The following DCUN1D2 variants were observed in gnomAD, a reference collection of about 807,000 sequenced individuals.
DCUN1D2 encodes DCN1-like protein 2.
DCUN1D2 carries 29 observed loss-of-function variants against 30.9 expected under a neutral mutation model. That is an observed-to-expected ratio of 0.94 (90% CI 0.70 to 1.28). The LOEUF is 1.28. DCUN1D2 is among the 50% of genes most tolerant of loss of function. The pLI is 0.00. For synonymous variants in DCUN1D2, 121 were observed against 115.3 expected (o/e 1.05, Z -0.32); for missense variants, 325 against 316.9 (o/e 1.03, Z -0.19).
intron 4 of DCUN1D2, among the ~76,000 whole-genome samples, chr13:113,465,405 T>G (rs1159650374): frequency 6.6e-6 from 1 of 151,992 alleles, no homozygotes; most frequent in Non-Finnish European, 1.5e-5. Flanking sequence ...CACTCAGACC[T>G]GAAATGGCCG....
intron 2 of DCUN1D2, among the ~76,000 whole-genome samples, chr13:113,481,642 G>T (rs1048739352): frequency 6.6e-6 from 1 of 152,210 alleles, no homozygotes; most frequent in African/African-American, 2.4e-5. Context: ...CCAGCACTTT[G>T]GGAGGCCGAG....
In DCUN1D2 at chr13:113,490,374, G is replaced by C. The variant is rs2044930885; in HGVS notation, c.3+293C>G. On this transcript the variant is annotated intron_variant, in intron 1 of 6. Coordinates refer to ENST00000478244, the MANE Select transcript of DCUN1D2 (RefSeq NM_001014283.2). This position sits in a 1 kb window ranked among gnomAD's most constrained non-coding sequence, Gnocchi z 5.2. ...AAGCCCCCGGCCTGGGTTCCCGCTC[G>C]GCCCCGGCCCCTGCCCCAAGGCCCC... The C allele has an allele frequency of 3.4e-6, 1 of 291,298 alleles. No homozygotes were observed. Among genetic ancestry groups the C allele is most frequent in the African/African-American group, 2.2e-5 (1 of 44,594 alleles). The allele number at this position is 291,298 out of a possible 1,614,324, so 18.0% of individuals were successfully genotyped here. A position where few individuals can be genotyped will look rare whatever the true frequency, so the allele number is the denominator to read the frequency against.
chr13:113,459,507 A>G (rs1484768688), intron 5 of DCUN1D2, 99 bp from the exon 6 acceptor site: 1 of 635,116 alleles, frequency 1.6e-6, no homozygotes, highest in Non-Finnish European at 2.8e-6. Flanking sequence ...AATGTTCATT[A>G]ATTTGATTAG....
At chr13:113,482,871 AG>A (rs1458227990) in intron 2 of DCUN1D2, among the ~76,000 whole-genome samples, 2 of 152,026 alleles carry the variant, frequency 1.3e-5, no homozygotes, top group African/African-American at 4.8e-5. Context: ...TGAATGTGGG[AG>A]GCAGAGGATG....
rs1481182193 is a variant in DCUN1D2, at chr13:113,488,066, A to G, written c.3+2601T>C. ...GCCTCCCCTAATGTGTGACAACACC[A>G]TAACACCAGCAGCCTAATTTCTTGG... On this transcript the variant is annotated intron_variant, in intron 1 of 6. Transcript: ENST00000478244. The surrounding 1 kb of genome is among the most constrained non-coding windows in gnomAD (Gnocchi z 4.3). Among the ~76,000 whole-genome samples the G allele has an allele frequency of 6.6e-6, 1 of 152,230 alleles. No individual in the cohort carries two copies. Among genetic ancestry groups the G allele is most frequent in the Non-Finnish European group, 1.5e-5 (1 of 68,034 alleles).
rs114585433 is a variant in DCUN1D2, at chr13:113,479,317, A to C, written c.389+1258T>G. ...TACATTGGGACTCTTCAACAAATAC[A>C]TAAAAACGTAAGTGTGACTGCCTTC... is the stretch of plus-strand genomic sequence containing the variant. On this transcript the variant is annotated intron_variant, in intron 3 of 6. Coordinates refer to ENST00000478244, the MANE Select transcript of DCUN1D2 (RefSeq NM_001014283.2). 3.3e-3 allele frequency among the ~76,000 whole-genome samples: 506 copies of C among 152,304 alleles called. 2 individuals are homozygous for C. Among genetic ancestry groups the C allele is most frequent in the African/African-American group, 0.012 (479 of 41,558 alleles).
In DCUN1D2 at chr13:113,456,688, A is replaced by G. The variant is rs9603840; in HGVS notation, c.*1341T>C. ...CCTCCTCAACCAGGCGGACACGAGA[A>G]ACAGATGATAACATGGTGCAAGGAC... On this transcript the variant is annotated 3_prime_UTR_variant, in exon 7 of 7. Transcript: ENST00000478244. 8.7e-3 allele frequency: 2,153 copies of G among 246,702 alleles called. 49 individuals are homozygous for G. Among genetic ancestry groups the G allele is most frequent in the African/African-American group, 0.045 (2,007 of 44,868 alleles). The allele number at this position is 246,702 out of a possible 1,614,324, so 15.3% of individuals were successfully genotyped here. A position where few individuals can be genotyped will look rare whatever the true frequency, so the allele number is the denominator to read the frequency against.
intron 4 of DCUN1D2, among the ~76,000 whole-genome samples, chr13:113,465,857 G>GTA (rs1036652936): frequency 2.0e-5 from 3 of 148,952 alleles, no homozygotes; most frequent in South Asian, 4.3e-4. Flanking sequence ...GTATGTGTGT[G>GTA]TATATATATA....
chr13:113,473,877 C>T (rs959276420), intron 4 of DCUN1D2, among the ~76,000 whole-genome samples: 4 of 152,160 alleles, frequency 2.6e-5, no homozygotes, highest in Non-Finnish European at 5.9e-5. Flanking sequence ...CGGTGGTGGA[C>T]GCCTGTAGTC....
rs1481437690 is a variant in DCUN1D2 at position 113,457,491 on chromosome 13, A to G, written c.*538T>C. The G allele has an allele frequency of 1.3e-5, 2 of 152,276 alleles. No individual in the cohort carries two copies. The highest frequency in any genetic ancestry group is 4.8e-5 in the African/African-American group (2 of 41,476). 9.4% of individuals were successfully genotyped at this position (152,276 alleles called of 1,614,324 possible). A position where few individuals can be genotyped will look rare whatever the true frequency, so the allele number is the denominator to read the frequency against. Reference sequence around the variant, plus strand: ...AGCTGGTAAATCTAGATATTTGGTAATTCAAAAAATATAAATCGTGAATTG... The same window carrying G: ...AGCTGGTAAATCTAGATATTTGGTAGTTCAAAAAATATAAATCGTGAATTG... On this transcript the variant is annotated 3_prime_UTR_variant, in exon 7 of 7. Coordinates refer to ENST00000478244, the MANE Select transcript of DCUN1D2 (RefSeq NM_001014283.2).
chr13:113,480,802 A>AG (rs2081711718), intron 2 of DCUN1D2, 59 bp from the exon 3 acceptor site: 12 of 1,581,578 alleles, frequency 7.6e-6, no homozygotes, highest in Non-Finnish European at 8.7e-7. Flanking sequence ...ATTCTAAAAT[A>AG]GGAGGTTTGA....
rs75486275 is a variant in DCUN1D2 at position 113,479,997 on chromosome 13, C to T, written c.389+578G>A. 5.6e-3 allele frequency among the ~76,000 whole-genome samples: 848 copies of T among 152,246 alleles called. 35 individuals carry two copies. In the East Asian group the frequency reaches 0.12, roughly 21 times the overall value. The stretch of plus-strand genomic sequence containing the variant: ...CCTTACGGGACCACTGTTGTATAAG[C>T]GGTCCACTGTTGACCGAAATGTCAT... On this transcript the variant is annotated intron_variant, in intron 3 of 6. Transcript: ENST00000478244.
intron 2 of DCUN1D2, among the ~76,000 whole-genome samples, chr13:113,481,650 G>C (rs188741753): frequency 6.6e-6 from 1 of 152,168 alleles, no homozygotes; most frequent in African/African-American, 2.4e-5. Flanking sequence ...TTGGGAGGCC[G>C]AGGCGGGTGG....
rs770517111 is a variant in DCUN1D2, at chr13:113,480,666, T to C, written c.298A>G (p.Ile100Val). 48 of 1,614,190 alleles carry C rather than the reference T, an allele frequency of 3.0e-5. No individual in the cohort carries two copies. Among genetic ancestry groups the C allele is most frequent in the Non-Finnish European group, 3.7e-5 (44 of 1,180,018 alleles). ...TTCCACGCTATGACCAATACACTGA[T>C]ACTGGCAGGATCCAGGCTCAGATCA... ...CDDLSLDPAS[I>V]SVLVIAWKFR... The change falls in exon 3 of 7, where the codon ATC (isoleucine) becomes GTC (valine). Residue 100 changes from isoleucine (I) to valine (V), a missense_variant. Ile to Val is a conservative substitution (Grantham distance 29). Coordinates refer to ENST00000478244, the MANE Select transcript of DCUN1D2 (RefSeq NM_001014283.2).
Position 113,490,425 on chromosome 13 carries a change from C to A in DCUN1D2, c.3+242G>T. On this transcript the variant is annotated intron_variant, in intron 1 of 6. Coordinates refer to ENST00000478244, the MANE Select transcript of DCUN1D2 (RefSeq NM_001014283.2). This position sits in a 1 kb window ranked among gnomAD's most constrained non-coding sequence, Gnocchi z 5.2. ...TACAGTTCCTCCCGGCCCCCGCCCTCCGCTCACTCCCGGTCGTCCCTCGCG... is the reference window on the plus strand; with the variant it reads ...TACAGTTCCTCCCGGCCCCCGCCCTACGCTCACTCCCGGTCGTCCCTCGCG... 1 of 360,424 alleles carries A rather than the reference C, an allele frequency of 2.8e-6. No homozygotes were observed. The highest frequency in any genetic ancestry group is 4.9e-6 in the Non-Finnish European group (1 of 204,224). The allele number at this position is 360,424 out of a possible 1,614,324, so 22.3% of individuals were successfully genotyped here.
chr13:113,474,642 G>A (rs1240388009), intron 3 of DCUN1D2, among the ~76,000 whole-genome samples: 2 of 152,200 alleles, frequency 1.3e-5, no homozygotes, highest in African/African-American at 2.4e-5. Flanking sequence ...GAACAAGGGC[G>A]TGGTCTAACT....
intron 4 of DCUN1D2, among the ~76,000 whole-genome samples, chr13:113,461,962 A>C (rs1410479237): frequency 6.6e-6 from 1 of 152,204 alleles, no homozygotes; most frequent in Admixed American, 6.5e-5. Flanking sequence ...CTATTTTTTT[A>C]AAGTGACCGG....
intron 3 of DCUN1D2, chr13:113,480,359 G>GA: frequency 2.3e-6 from 1 of 433,304 alleles, no homozygotes; most frequent in Non-Finnish European, 4.0e-6. Context: ...GGATTAATAT[G>GA]AAAAAAATAA....
Position 113,456,460 on chromosome 13 carries a change from GCTCT to G in DCUN1D2, c.*1565_*1568del. 1 of 398,622 alleles carries G rather than the reference GCTCT, an allele frequency of 2.5e-6. No individual in the cohort carries two copies. Among genetic ancestry groups the G allele is most frequent in the Non-Finnish European group, 4.4e-6 (1 of 226,228 alleles). 24.7% of individuals were successfully genotyped at this position (398,622 alleles called of 1,614,324 possible). A position where few individuals can be genotyped will look rare whatever the true frequency, so the allele number is the denominator to read the frequency against. ...CAACCCAGCTGCTTGTCTGGGCCAT[GCTCT>G]CTCACACCGCAGCTAGGTCATCTGC... is the stretch of plus-strand genomic sequence containing the variant. On this transcript the variant is annotated 3_prime_UTR_variant, in exon 7 of 7. Coordinates refer to ENST00000478244, the MANE Select transcript of DCUN1D2 (RefSeq NM_001014283.2).
Sources: gnomAD v4.1 joint callset for allele counts (sites outside exome capture counted in the v4.1 genomes callset) on GRCh38, gnomAD v4.1.1 for gene constraint, Gnocchi (gnomAD v3.1) non-coding constraint, MANE v1.5 for transcripts, NCBI Gene and HGNC (gene_info 2026-07-23, HGNC 2026-07-21) for gene names.